The following DNAH14 variants were observed in gnomAD, a reference collection of about 807,000 sequenced individuals.
DNAH14 encodes the protein axonemal beta dynein heavy chain 14.
In DNAH14, 478 loss-of-function variants were observed where a neutral mutation model predicts 520.9. The ratio of observed to expected loss-of-function variants is 0.92; its 90% CI spans 0.85 to 0.99. The LOEUF (loss-of-function observed/expected upper bound fraction) is 0.99, where lower values mean the gene tolerates loss of function less well. Ranked by LOEUF, DNAH14 falls within the 50% of genes least tolerant of loss-of-function variation. The pLI is 0.00. For synonymous variants in DNAH14, 1,581 were observed against 1,757.2 expected (o/e 0.90, Z 2.51); for missense variants, 4,831 against 5,234.5 (o/e 0.92, Z 2.38).
intron 41 of DNAH14, among the ~76,000 whole-genome samples, chr1:225,216,604 T>C (rs1489631331): frequency 1.3e-5 from 2 of 152,170 alleles, no homozygotes; most frequent in Admixed American, 1.3e-4. Context: ...CTTTTTACTC[T>C]TTTTTCTCTA....
At chr1:224,975,741 A>G (rs1314206116) in intron 8 of DNAH14, among the ~76,000 whole-genome samples, 4 of 150,776 alleles carry the variant, frequency 2.7e-5, no homozygotes, top group Non-Finnish European at 4.4e-5. Context: ...TTCTGCTCTG[A>G]TTTTAGTTAT....
chr1:224,971,019 G>C (rs2061474251), intron 7 of DNAH14, among the ~76,000 whole-genome samples: 1 of 152,174 alleles, frequency 6.6e-6, no homozygotes, highest in African/African-American at 2.4e-5. Flanking sequence ...ATTGAGTGGA[G>C]ACTAAATGTA....
At chr1:225,185,011 T>C (rs918325709) in intron 36 of DNAH14, among the ~76,000 whole-genome samples, 4 of 151,880 alleles carry the variant, frequency 2.6e-5, no homozygotes, top group African/African-American at 9.7e-5. Flanking sequence ...GTACCTGTTA[T>C]TAAAATAAAA....
At chr1:225,328,249 C>T (rs1053391459) in intron 64 of DNAH14, among the ~76,000 whole-genome samples, 1 of 152,164 alleles carries the variant, frequency 6.6e-6, no homozygotes, top group Non-Finnish European at 1.5e-5. Flanking sequence ...AGACCAACAG[C>T]AGATTTCTCA....
intron 73 of DNAH14, among the ~76,000 whole-genome samples, chr1:225,356,695 C>A (rs547268568): frequency 1.3e-5 from 2 of 152,128 alleles, no homozygotes; most frequent in African/African-American, 4.8e-5. Context: ...CCACAAGAAA[C>A]AATATATCTG....
chr1:225,118,028 T>C, intron 25 of DNAH14, 29 bp downstream of exon 25: 1 of 1,446,250 alleles, frequency 6.9e-7, no homozygotes, highest in Non-Finnish European at 9.5e-7. Flanking sequence ...ACTGTTTAGA[T>C]TCTGTACAAC....
intron 23 of DNAH14, among the ~76,000 whole-genome samples, chr1:225,103,339 G>A (rs28793649): frequency 0.048 from 7,271 of 152,200 alleles, 502 homozygotes; most frequent in African/African-American, 0.15. Flanking sequence ...CTCCAGCTTT[G>A]TTCTTTTGGC....
Position 225,166,456 on chromosome 1 carries a change from C to T in DNAH14, c.5446-1483C>T, listed in dbSNP as rs115274719. Among the ~76,000 whole-genome samples the T allele has an allele frequency of 5.0e-3, 759 of 152,186 alleles. 6 individuals are homozygous for T. Among genetic ancestry groups the T allele is most frequent in the African/African-American group, 0.017 (716 of 41,514 alleles). The stretch of plus-strand genomic sequence containing the variant: ...ATGATTAATAGAAATATAGAAATAT[C>T]ACAAAGATCGTAATTTAAAATTATG... On this transcript the variant is annotated intron_variant, in intron 35 of 85. Coordinates refer to ENST00000682510, the MANE Select transcript of DNAH14 (RefSeq NM_001367479.1).
intron 38 of DNAH14, among the ~76,000 whole-genome samples, chr1:225,201,419 T>C (rs1276813864): frequency 6.6e-6 from 1 of 152,110 alleles, no homozygotes; most frequent in Non-Finnish European, 1.5e-5. Context: ...AGTGTGGTTT[T>C]TGGGGGCTGC....
At position 225,214,550 on chromosome 1, in the gene DNAH14, G is replaced by A. The variant is rs564439906; in HGVS notation, c.6439+7330G>A. Among the ~76,000 whole-genome samples the A allele has an allele frequency of 3.2e-4, 48 of 152,176 alleles. 2 individuals carry two copies. The highest frequency in any genetic ancestry group is 1.1e-3 in the African/African-American group (46 of 41,506). Reference sequence around the variant, plus strand: ...TCCATCTGCTGCTAGACTTTTTTTGGTTGGTAGGCTATTAACTATTGCCTC... The same window carrying A: ...TCCATCTGCTGCTAGACTTTTTTTGATTGGTAGGCTATTAACTATTGCCTC... On this transcript the variant is annotated intron_variant, in intron 41 of 85. Coordinates refer to ENST00000682510, the MANE Select transcript of DNAH14 (RefSeq NM_001367479.1).
intron 32 of DNAH14, 109 bp downstream of exon 32, chr1:225,152,182 C>T: frequency 1.1e-6 from 1 of 926,308 alleles, no homozygotes; most frequent in Non-Finnish European, 1.6e-6. Flanking sequence ...ATATCTGTCT[C>T]CACCATCCTC....
In DNAH14 at chr1:225,123,633, GATGTATGTATA is replaced by G. The variant is rs1301008397; in HGVS notation, c.4254+20_4254+30del. On this transcript the variant is annotated intron_variant, in intron 27 of 85. Coordinates refer to ENST00000682510, the MANE Select transcript of DNAH14 (RefSeq NM_001367479.1). ...TACTGTGGTAAGTTAATGCTGCTTTGATGTATGTATACAGGGACACCTTGGAGATATTGCAG... is the reference window on the plus strand; with the variant it reads ...TACTGTGGTAAGTTAATGCTGCTTTGCAGGGACACCTTGGAGATATTGCAG... 1 of 393,826 alleles carries G rather than the reference GATGTATGTATA, an allele frequency of 2.5e-6. No individual in the cohort carries two copies. The highest frequency in any genetic ancestry group is 2.1e-5 in the African/African-American group (1 of 47,858). The allele number at this position is 393,826 out of a possible 1,614,324, so 24.4% of individuals were successfully genotyped here. A position where few individuals can be genotyped will look rare whatever the true frequency, so the allele number is the denominator to read the frequency against.
chr1:225,235,731 A>G (rs773759732), intron 42 of DNAH14, among the ~76,000 whole-genome samples: 5 of 152,122 alleles, frequency 3.3e-5, no homozygotes, highest in Non-Finnish European at 7.4e-5. Context: ...TTATTGGCCT[A>G]TTCAAGGATT....
At chr1:225,139,863 C>G (rs2079273274) in intron 27 of DNAH14, among the ~76,000 whole-genome samples, 1 of 152,212 alleles carries the variant, frequency 6.6e-6, no homozygotes, top group African/African-American at 2.4e-5. Flanking sequence ...TCTTCCCAGA[C>G]TCTTGGTCCT....
intron 69 of DNAH14, among the ~76,000 whole-genome samples, chr1:225,344,972 C>T (rs140185054): frequency 1.4e-3 from 217 of 152,190 alleles, no homozygotes; most frequent in African/African-American, 5.1e-3. Context: ...CTGGGCCTCC[C>T]AAAGTGCTGA....
Position 225,399,162 on chromosome 1 carries a change from G to T in DNAH14, c.13747G>T (p.Gly4583Cys). Residue 4583 changes from glycine (G) to cysteine (C), a missense_variant, in exon 86 of 86, where the codon GGT (glycine) becomes TGT (cysteine). Transcript: ENST00000682510. ...GAGGTCAAGAATTTTGGCAACTACC[G>T]GTTTACCAACAAACTTTTTAACATC... ...PERSRILATT[G>C]LPTNFLTSVY... 6.4e-7 allele frequency: 1 copy of T among 1,551,362 alleles called. No homozygotes were observed. Among genetic ancestry groups the T allele is most frequent in the South Asian group, 1.2e-5 (1 of 84,046 alleles).
At position 225,234,343 on chromosome 1, in the gene DNAH14, C is replaced by T. The variant is rs150735710; in HGVS notation, c.6518+3192C>T. Among the ~76,000 whole-genome samples, 774 of 152,178 alleles carry T rather than the reference C, an allele frequency of 5.1e-3. 6 individuals carry two copies. Among genetic ancestry groups the T allele is most frequent in the African/African-American group, 0.017 (723 of 41,518 alleles). Reference sequence around the variant, plus strand: ...AGCTGGGATTACAGGCATCTGCCACCGCACCTGGCTAATTTTTTGTATTTT... The same window carrying T: ...AGCTGGGATTACAGGCATCTGCCACTGCACCTGGCTAATTTTTTGTATTTT... On this transcript the variant is annotated intron_variant, in intron 42 of 85. Transcript: ENST00000682510.
intron 54 of DNAH14, among the ~76,000 whole-genome samples, chr1:225,279,575 G>A (rs1325600226): frequency 6.6e-6 from 1 of 152,092 alleles, no homozygotes; most frequent in Non-Finnish European, 1.5e-5. Context: ...AGAAGAAATT[G>A]TACATGAATT....
chr1:224,981,689 TA>T lies in DNAH14; in HGVS notation c.830+7539del. 1.3e-5 allele frequency among the ~76,000 whole-genome samples: 2 copies of T among 152,336 alleles called. 1 individual carries two copies. Among genetic ancestry groups the T allele is most frequent in the South Asian group, 4.1e-4 (2 of 4,830 alleles). On this transcript the variant is annotated intron_variant, in intron 8 of 85. Coordinates refer to ENST00000682510, the MANE Select transcript of DNAH14 (RefSeq NM_001367479.1). ...GGATTTTCTTTCTTCTTTTCTTGGT[TA>T]AACTTGCTAATGGTCTATCAATCTT... is the stretch of plus-strand genomic sequence containing the variant.
Sources: gnomAD v4.1 joint callset for allele counts (sites outside exome capture counted in the v4.1 genomes callset) on GRCh38, gnomAD v4.1.1 for gene constraint, MANE v1.5 for transcripts, NCBI Gene and HGNC (gene_info 2026-07-23, HGNC 2026-07-21) for gene names.